Variants in CEP295 observed in about 807,000 individuals in gnomAD.
CEP295 encodes the protein centrosomal protein 295, also known as centrosomal protein of 295 kDa.
Under a neutral mutation model 291.6 loss-of-function variants are expected in CEP295, and 190 were observed. The observed-to-expected ratio is 0.65, with a 90% CI of 0.58 to 0.73. The LOEUF (loss-of-function observed/expected upper bound fraction) is 0.73. Ranked by LOEUF, CEP295 falls within the 30% of genes least tolerant of loss-of-function variation. The pLI is 0.00. For missense variants in CEP295, 2,863 were observed against 2,949.4 expected, an observed-to-expected ratio of 0.97 and a Z score of 0.68; for synonymous variants, 993 against 1,038.8, an observed-to-expected ratio of 0.96 and a Z score of 0.85.
chr11:93,704,518 T>C (rs1952395899), intron 17 of CEP295, among the ~76,000 whole-genome samples: 1 of 152,140 alleles, frequency 6.6e-6, no homozygotes, highest in African/African-American at 2.4e-5. Flanking sequence ...GGGTTGAGAC[T>C]GCAGTGGTTT....
intron 12 of CEP295, among the ~76,000 whole-genome samples, chr11:93,692,905 G>A (rs556307810): frequency 1.3e-3 from 52 of 41,390 alleles, no homozygotes; most frequent in Admixed American, 5.2e-3. Context: ...CCCAGGAGGC[G>A]GAGGCTGCAA....
intron 5 of CEP295, among the ~76,000 whole-genome samples, chr11:93,671,117 A>C (rs1950425774): frequency 6.6e-6 from 1 of 152,140 alleles, no homozygotes; most frequent in Non-Finnish European, 1.5e-5. Context: ...TCCTGACCTC[A>C]GATGATCCAC....
chr11:93,679,046 A>G (rs566638570), intron 6 of CEP295, among the ~76,000 whole-genome samples: 68 of 152,216 alleles, frequency 4.5e-4, no homozygotes, highest in African/African-American at 1.6e-3. Flanking sequence ...TAGTAAAGAC[A>G]GAGTTTCACC....
At chr11:93,676,197 A>G (rs191755869) in intron 6 of CEP295, among the ~76,000 whole-genome samples, 201 of 152,140 alleles carry the variant, frequency 1.3e-3, no homozygotes, top group Admixed American at 1.8e-3. Context: ...ATCTCTGATT[A>G]TATATAAATT....
intron 10 of CEP295, among the ~76,000 whole-genome samples, chr11:93,690,797 C>T (rs1011381028): frequency 6.7e-6 from 1 of 148,320 alleles, no homozygotes; most frequent in African/African-American, 2.5e-5. Flanking sequence ...TCTCATCTTG[C>T]TTTATTCTCC....
At chr11:93,695,211 A>G (rs533558510) in intron 12 of CEP295, among the ~76,000 whole-genome samples, 1 of 152,350 alleles carries the variant, frequency 6.6e-6, no homozygotes, top group African/African-American at 2.4e-5. Flanking sequence ...AGTGGTGATC[A>G]GGGTTTCACT....
At chr11:93,668,692 C>A in intron 3 of CEP295, 116 bp from the exon 4 acceptor site, 1 of 744,764 alleles carries the variant, frequency 1.3e-6, no homozygotes, top group Admixed American at 3.3e-5. Context: ...CTGGGAAACA[C>A]TGCTATAGTA....
At chr11:93,717,007 C>T (rs898450222) in intron 18 of CEP295, among the ~76,000 whole-genome samples, 9 of 152,300 alleles carry the variant, frequency 5.9e-5, no homozygotes, top group Admixed American at 4.6e-4. Context: ...TGTTTTTCTT[C>T]TCCCTATGTT....
chr11:93,719,105 C>CAA (rs11455077), intron 18 of CEP295, among the ~76,000 whole-genome samples: 243 of 151,616 alleles, frequency 1.6e-3, no homozygotes, highest in African/African-American at 5.5e-3. Context: ...GACTCCGTCT[C>CAA]AAAAAAAATA....
At chr11:93,690,702 C>G (rs1235223334) in intron 10 of CEP295, among the ~76,000 whole-genome samples, 1 of 131,902 alleles carries the variant, frequency 7.6e-6, no homozygotes, top group African/African-American at 2.9e-5. Context: ...TGCATTCCAG[C>G]CTGGGCGACA....
At chr11:93,669,375 T>C (rs1167660420) in intron 4 of CEP295, among the ~76,000 whole-genome samples, 2 of 151,632 alleles carry the variant, frequency 1.3e-5, no homozygotes, top group Non-Finnish European at 2.9e-5. Flanking sequence ...TTAAGGGCCC[T>C]GTTACTAGTT....
In CEP295 at chr11:93,698,835, C is replaced by T. The variant is rs1229033430; in HGVS notation, c.3923C>T (p.Ser1308Phe). The T allele has an allele frequency of 1.9e-6, 3 of 1,551,750 alleles. No individual in the cohort carries two copies. The highest frequency in any genetic ancestry group is 2.6e-6 in the Non-Finnish European group (3 of 1,147,002). ...LSFTSLASAESGTILEPLFTE... is the reference protein window; with the variant it reads ...LSFTSLASAEFGTILEPLFTE... ...TTTACTTCGTTAGCTTCAGCTGAGT[C>T]TGGCACAATCCTGGAACCTCTTTTT... is the stretch of plus-strand genomic sequence containing the variant. The change falls in exon 15 of 30, where the codon TCT becomes TTT. Residue 1308 changes from serine to phenylalanine, a missense_variant. Physicochemically the swap from Ser to Phe is radical, Grantham distance 155. This residue lies in a region of CEP295 where 2,295 missense variants were observed against 2,335.7 expected (regional missense o/e 0.98). Transcript: ENST00000325212.
chr11:93,672,005 T>C (rs981226851), intron 5 of CEP295, among the ~76,000 whole-genome samples: 4 of 152,242 alleles, frequency 2.6e-5, no homozygotes, highest in Non-Finnish European at 5.9e-5. Context: ...TTTATTTATG[T>C]CAGGTTTTTT....
At chr11:93,682,680 G>A (rs1239074756) in intron 7 of CEP295, among the ~76,000 whole-genome samples, 2 of 151,538 alleles carry the variant, frequency 1.3e-5, no homozygotes, top group Non-Finnish European at 2.9e-5. Context: ...CTGTATTGTG[G>A]CCTGGGACCT....
At position 93,698,924 on chromosome 11, in the gene CEP295, T is replaced by C; in HGVS notation, c.4012T>C (p.Leu1338=). ...LQIPQLQDRL[L]RISQLIQPQQ... ...GATCCCACAATTGCAGGATAGGCTT[T>C]TGAGGATATCGCAACTTATCCAGCC... The change falls in exon 15 of 30, where the codon TTG becomes CTG. Residue 1338 remains leucine, a synonymous_variant. Transcript: ENST00000325212. The C allele has an allele frequency of 6.4e-7, 1 of 1,551,626 alleles. No individual in the cohort carries two copies.
intron 18 of CEP295, among the ~76,000 whole-genome samples, chr11:93,715,474 A>G (rs1012877635): frequency 6.6e-6 from 1 of 152,076 alleles, no homozygotes; most frequent in Non-Finnish European, 1.5e-5. Context: ...ACTTGGTGCT[A>G]TTCCCCACTG....
In CEP295 at chr11:93,699,710, C is replaced by G. The variant is rs752495394; in HGVS notation, c.4798C>G (p.Gln1600Glu). Residue 1600 changes from glutamine to glutamate, a missense_variant, in exon 15 of 30, where the codon CAA (glutamine) becomes GAA (glutamate). Gln to Glu is a conservative substitution (Grantham distance 29). Around this residue, in one of 3 missense-constraint regions of CEP295, gnomAD observed 2,295 missense variants for 2,335.7 expected, o/e 0.98. Transcript: ENST00000325212. ...LSLSKPILPQ[Q>E]DNMTAQLDAQ... ...TTTATCAAAGCCTATTCTGCCTCAG[C>G]AAGATAATATGACAGCACAATTGGA... 3 of 1,551,454 alleles carry G rather than the reference C, an allele frequency of 1.9e-6. No individual in the cohort carries two copies. The African/African-American group carries it at 4.1e-5, about 21-fold the overall frequency.
intron 1 of CEP295, among the ~76,000 whole-genome samples, chr11:93,665,687 G>A (rs753514665): frequency 5.3e-5 from 8 of 152,170 alleles, no homozygotes; most frequent in Non-Finnish European, 1.2e-4. Context: ...CAACCTGGGC[G>A]ACAGAACGAG....
chr11:93,684,435 A>G (rs1348526428), intron 9 of CEP295, among the ~76,000 whole-genome samples: 3 of 152,152 alleles, frequency 2.0e-5, no homozygotes, highest in African/African-American at 7.2e-5. Context: ...GCAATAACTT[A>G]AGCATACCCT....
Sources: gnomAD v4.1 joint callset for allele counts (sites outside exome capture counted in the v4.1 genomes callset) on GRCh38, gnomAD v4.1.1 for gene constraint, gnomAD v4.1.1 regional missense constraint, MANE v1.5 for transcripts, NCBI Gene and HGNC (gene_info 2026-07-23, HGNC 2026-07-21) for gene names.